The following EREG variants were observed in gnomAD, a reference collection of about 807,000 sequenced individuals.
EREG encodes proepiregulin.
Under a neutral mutation model 22.4 loss-of-function variants are expected in EREG, and 23 were observed. The ratio of observed to expected loss-of-function variants is 1.03; its 90% CI spans 0.74 to 1.46. The LOEUF (loss-of-function observed/expected upper bound fraction) is 1.46. EREG is among the 40% of genes most tolerant of loss of function. The pLI, the probability that EREG is intolerant of heterozygous loss-of-function variation, is 0.00. For synonymous variants in EREG, 100 were observed against 75.4 expected (o/e 1.33, Z -1.69); for missense variants, 226 against 205.9 (o/e 1.10, Z -0.60).
chr4:74,382,385 C>G (rs1307169816), intron 3 of EREG: 1 of 338,620 alleles, frequency 3.0e-6, no homozygotes, highest in East Asian at 4.7e-5. Context: ...GTACAACTTA[C>G]AAAACACCAC....
At chr4:74,380,905 G>A (rs1400420516) in intron 2 of EREG, 109 bp from the exon 3 acceptor site, 18 of 1,167,352 alleles carry the variant, frequency 1.5e-5, no homozygotes, top group Non-Finnish European at 2.1e-5. Flanking sequence ...TTGACAGATT[G>A]GCATCTGACT....
intron 1 of EREG, among the ~76,000 whole-genome samples, chr4:74,377,933 T>A: frequency 1.3e-5 from 2 of 152,298 alleles, no homozygotes; most frequent in Middle Eastern, 6.8e-3. Context: ...CCAGATGAGA[T>A]GTGGGTGGGG....
chr4:74,365,827 G>C (rs993284203), intron 1 of EREG, among the ~76,000 whole-genome samples: 1 of 152,116 alleles, frequency 6.6e-6, no homozygotes, highest in Non-Finnish European at 1.5e-5. Context: ...TCTGTCTTGC[G>C]CTCAGTTTTC....
chr4:74,367,567 C>G (rs1160220483), intron 1 of EREG, among the ~76,000 whole-genome samples: 1 of 152,122 alleles, frequency 6.6e-6, no homozygotes, highest in Non-Finnish European at 1.5e-5. Flanking sequence ...TGAATGACAT[C>G]TCCAAGATAA....
At chr4:74,369,380 A>G (rs922423523) in intron 1 of EREG, among the ~76,000 whole-genome samples, 2 of 152,196 alleles carry the variant, frequency 1.3e-5, no homozygotes, top group East Asian at 1.9e-4. Flanking sequence ...TACATAGTAC[A>G]TAGTACATAG....
In EREG at chr4:74,376,080, T is replaced by C. The variant is rs141698684; in HGVS notation, c.68-3368T>C. Among the ~76,000 whole-genome samples, 6 of 152,266 alleles carry C rather than the reference T, an allele frequency of 3.9e-5. No individual in the cohort carries two copies. In the East Asian group the frequency reaches 1.2e-3, roughly 29 times the overall value. ...AATTAACAAAGACAAACATTTCACC[T>C]GTGGCCTGAACAACTGGAACAAAGT... On this transcript the variant is annotated intron_variant, in intron 1 of 4. Coordinates refer to ENST00000244869, the MANE Select transcript of EREG (RefSeq NM_001432.3).
Position 74,381,031 on chromosome 4 carries a change from C to G in EREG, c.172C>G (p.Pro58Ala), listed in dbSNP as rs751662634. 1.2e-6 allele frequency: 2 copies of G among 1,613,384 alleles called. No individual in the cohort carries two copies. The highest frequency in any genetic ancestry group is 1.7e-6 in the Non-Finnish European group (2 of 1,179,686). ...CTALVQTEDNPRVAQVSITKC... is the reference protein window; with the variant it reads ...CTALVQTEDNARVAQVSITKC... ...TTTTACAGTTCAGACAGAAGACAAT[C>G]CACGTGTGGCTCAAGTGTCAATAAC... Residue 58 changes from proline to alanine, a missense_variant, in exon 3 of 5, where the codon CCA becomes GCA. Transcript: ENST00000244869.
chr4:74,380,956 G>A (rs1752463102), intron 2 of EREG, 58 bp from the exon 3 acceptor site: 6 of 1,567,234 alleles, frequency 3.8e-6, no homozygotes, highest in Non-Finnish European at 5.2e-6. Context: ...TTATGAAAGA[G>A]TGAGAAATTC....
intron 1 of EREG, among the ~76,000 whole-genome samples, chr4:74,373,802 C>T (rs995144445): frequency 1.3e-5 from 2 of 151,362 alleles, no homozygotes; most frequent in Non-Finnish European, 2.9e-5. Flanking sequence ...AAGTAGGTTG[C>T]TACTAGAAGG....
Position 74,379,549 on chromosome 4 carries a change from GTCAATGTGGCA to G in EREG, c.154+20_154+30del. On this transcript the variant is annotated intron_variant, in intron 2 of 4. Transcript: ENST00000244869. ...CACAGCTTTAGGTAAGCCCAAGTTT[GTCAATGTGGCA>G]TCAAGAGACTACATATTTTTAAACA... 6.9e-7 allele frequency: 1 copy of G among 1,458,918 alleles called. No individual in the cohort carries two copies. The highest frequency in any genetic ancestry group is 9.6e-7 in the Non-Finnish European group (1 of 1,039,468). 90.4% of individuals were successfully genotyped at this position (1,458,918 alleles called of 1,614,324 possible).
chr4:74,374,807 G>T (rs1300717198), intron 1 of EREG, among the ~76,000 whole-genome samples: 4 of 152,112 alleles, frequency 2.6e-5, no homozygotes, highest in Non-Finnish European at 5.9e-5. Context: ...ACCACTTCCT[G>T]CTGGCACATC....
At chr4:74,366,376 C>A (rs1393955079) in intron 1 of EREG, among the ~76,000 whole-genome samples, 1 of 152,060 alleles carries the variant, frequency 6.6e-6, no homozygotes, top group Non-Finnish European at 1.5e-5. Context: ...TTTGGCACAC[C>A]TTATCTCAGG....
intron 1 of EREG, among the ~76,000 whole-genome samples, chr4:74,375,032 T>C (rs1310600215): frequency 1.3e-5 from 2 of 152,142 alleles, no homozygotes; most frequent in East Asian, 3.9e-4. Flanking sequence ...CCTCTGTATC[T>C]TAGTTACCAA....
chr4:74,368,993 A>G (rs1281390540), intron 1 of EREG, among the ~76,000 whole-genome samples: 1 of 152,220 alleles, frequency 6.6e-6, no homozygotes, highest in Non-Finnish European at 1.5e-5. Context: ...TATAGGGCAC[A>G]TAAAGGTTGA....
chr4:74,366,879 C>T (rs1401962670), intron 1 of EREG, among the ~76,000 whole-genome samples: 1 of 152,132 alleles, frequency 6.6e-6, no homozygotes, highest in Non-Finnish European at 1.5e-5. Context: ...TTCTGTTTTC[C>T]CAGTTTGTTT....
chr4:74,384,395 AAAAG>A (rs1388292849), intron 4 of EREG, among the ~76,000 whole-genome samples: 1 of 152,198 alleles, frequency 6.6e-6, no homozygotes, highest in African/African-American at 2.4e-5. Context: ...GGAGGAAGGA[AAAAG>A]AAAGAGAGAC....
intron 1 of EREG, among the ~76,000 whole-genome samples, chr4:74,373,593 G>A (rs1166056792): frequency 6.7e-6 from 1 of 148,648 alleles, no homozygotes; most frequent in East Asian, 1.9e-4. Context: ...GTTTTCTATA[G>A]ATTTATATAT....
chr4:74,376,881 A>G (rs534507550), intron 1 of EREG, among the ~76,000 whole-genome samples: 2 of 152,344 alleles, frequency 1.3e-5, no homozygotes, highest in African/African-American at 4.8e-5. Context: ...GTGAAATTTG[A>G]TATATGAAGT....
chr4:74,366,604 C>A (rs911753988), intron 1 of EREG, among the ~76,000 whole-genome samples: 2 of 152,140 alleles, frequency 1.3e-5, no homozygotes, highest in East Asian at 1.9e-4. Context: ...AAATTAACCT[C>A]GAGGTCAGAA....
Sources: gnomAD v4.1 joint callset for allele counts (sites outside exome capture counted in the v4.1 genomes callset) on GRCh38, gnomAD v4.1.1 for gene constraint, MANE v1.5 for transcripts, NCBI Gene and HGNC (gene_info 2026-07-23, HGNC 2026-07-21) for gene names.